The following CEP350 variants were observed in gnomAD, a reference collection of about 807,000 sequenced individuals.
CEP350 encodes the protein centrosome-associated protein 350.
Under a neutral mutation model 331.8 loss-of-function variants are expected in CEP350, and 126 were observed. The observed-to-expected ratio is 0.38, with a 90% confidence interval of 0.33 to 0.44. The LOEUF (loss-of-function observed/expected upper bound fraction) is 0.44, where lower values mean the gene tolerates loss of function less well. Ranked by LOEUF, CEP350 falls within the 20% of genes least tolerant of loss-of-function variation. The pLI is 1.00. For synonymous variants in CEP350, 1,200 were observed against 1,259.5 expected, an observed-to-expected ratio of 0.95 and a Z score of 1.00; for missense variants, 3,406 against 3,634.6, an observed-to-expected ratio of 0.94 and a Z score of 1.62.
Position 180,112,485 on chromosome 1 carries a change from T to A in CEP350, c.*1324T>A, listed in dbSNP as rs562155956. On this transcript the variant is annotated 3_prime_UTR_variant, in exon 38 of 38. Transcript: ENST00000367607. ...TGCATCTGAAAAAAAATCTATAGAC[T>A]CCAGCTGCTACATTAGAGCATAAGA... 1 of 152,642 alleles carries A rather than the reference T, an allele frequency of 6.6e-6. No individual in the cohort carries two copies. Among genetic ancestry groups the A allele is most frequent in the Non-Finnish European group, 1.5e-5 (1 of 68,054 alleles). The allele number at this position is 152,642 out of a possible 1,614,324, so 9.5% of individuals were successfully genotyped here.
intron 32 of CEP350, among the ~76,000 whole-genome samples, chr1:180,088,865 AT>A (rs1359388557): frequency 1.3e-5 from 2 of 152,188 alleles, no homozygotes; most frequent in African/African-American, 4.8e-5. Flanking sequence ...TATTATTATT[AT>A]TGTTACTATT....
At chr1:180,056,543 C>T (rs1657859684) in intron 25 of CEP350, among the ~76,000 whole-genome samples, 1 of 139,434 alleles carries the variant, frequency 7.2e-6, no homozygotes, top group African/African-American at 2.6e-5. Flanking sequence ...GATCTCAGCT[C>T]ACTGCAACCT....
intron 36 of CEP350, 90 bp from the exon 37 acceptor site, chr1:180,098,773 C>A (rs1309254400): frequency 2.0e-6 from 2 of 1,004,966 alleles, no homozygotes; most frequent in Non-Finnish European, 2.9e-6. Context: ...ATATTATATT[C>A]TTATCGTGAA....
intron 1 of CEP350, among the ~76,000 whole-genome samples, chr1:179,955,975 A>G (rs994825948): frequency 1.3e-5 from 2 of 152,194 alleles, no homozygotes; most frequent in Non-Finnish European, 1.5e-5. Context: ...GTATTTGAAG[A>G]GTTTTAAAAG....
intron 21 of CEP350, among the ~76,000 whole-genome samples, chr1:180,047,701 G>T: frequency 7.3e-6 from 1 of 136,320 alleles, no homozygotes; most frequent in East Asian, 2.2e-4. Context: ...AGTGGAGGTT[G>T]CAGTGAACCA....
At chr1:179,994,153 T>C (rs1270904713) in intron 5 of CEP350, among the ~76,000 whole-genome samples, 1 of 152,204 alleles carries the variant, frequency 6.6e-6, no homozygotes, top group Non-Finnish European at 1.5e-5. Context: ...AACATCCTTA[T>C]ATGTATTCAG....
Position 179,996,572 on chromosome 1 carries a change from T to C in CEP350, c.415T>C (p.Ser139Pro). ...TTGTAGGGAAATCCATGGTGCACCT[T>C]CCAATTTCAGTTCCAGCCATCTGGA... ...VSYREIHGAP[S>P]NFSSSHLESK... The change falls in exon 6 of 38, where the codon TCC (serine) becomes CCC (proline). Residue 139 changes from serine (S) to proline (P), a missense_variant. Ser to Pro is a moderately conservative substitution (Grantham distance 74). Around this residue, in one of 5 missense-constraint regions of CEP350, gnomAD observed 1,857 missense variants for 1,909.2 expected, o/e 0.97. Transcript: ENST00000367607. The C allele has an allele frequency of 6.4e-7, 1 of 1,567,084 alleles. No homozygotes were observed. Among genetic ancestry groups the C allele is most frequent in the Non-Finnish European group, 8.7e-7 (1 of 1,154,094 alleles).
intron 5 of CEP350, among the ~76,000 whole-genome samples, chr1:179,995,027 C>A (rs12140589): frequency 0.12 from 18,200 of 152,186 alleles, 1,167 homozygotes; most frequent in South Asian, 0.16. Context: ...GTAATTTCAA[C>A]ATTTTTAGTA....
intron 17 of CEP350, among the ~76,000 whole-genome samples, chr1:180,040,907 A>G (rs956309486): frequency 2.6e-5 from 4 of 152,142 alleles, no homozygotes; most frequent in African/African-American, 9.7e-5. Context: ...TTAGTCCTGT[A>G]TGCCCTGGAA....
At chr1:180,046,468 T>C (rs1657126984) in intron 21 of CEP350, among the ~76,000 whole-genome samples, 1 of 152,226 alleles carries the variant, frequency 6.6e-6, no homozygotes, top group Admixed American at 6.5e-5. Context: ...CCACATTTTA[T>C]TTATCCATTC....
At chr1:180,109,739 G>A (rs1441553383) in intron 37 of CEP350, among the ~76,000 whole-genome samples, 4 of 152,152 alleles carry the variant, frequency 2.6e-5, no homozygotes, top group Admixed American at 6.5e-5. Flanking sequence ...GGGTTCAAGC[G>A]ATTCTCCTGC....
intron 1 of CEP350, among the ~76,000 whole-genome samples, chr1:179,964,498 C>T (rs1439288296): frequency 6.6e-6 from 1 of 152,078 alleles, no homozygotes; most frequent in Non-Finnish European, 1.5e-5. Context: ...GCTGTGAATG[C>T]ATCTGATCCT....
chr1:180,083,894 A>G (rs1032791862), intron 30 of CEP350, 124 bp from the exon 31 acceptor site: 17 of 495,710 alleles, frequency 3.4e-5, no homozygotes, highest in Non-Finnish European at 5.3e-5. Context: ...CGAAGCTCAT[A>G]TTTTAATTAT....
Position 180,079,922 on chromosome 1 carries a change from G to C in CEP350, c.5980-595G>C, listed in dbSNP as rs529106255. Among the ~76,000 whole-genome samples the C allele has an allele frequency of 7.2e-5, 11 of 152,218 alleles. No individual in the cohort carries two copies. In the South Asian group the frequency reaches 2.1e-3, roughly 29 times the overall value. Reference sequence around the variant, plus strand: ...TGTTTATTTACGAAGTACTTACCAAGTGCCTTACGTGGATTATCTCATTTA... The same window carrying C: ...TGTTTATTTACGAAGTACTTACCAACTGCCTTACGTGGATTATCTCATTTA... On this transcript the variant is annotated intron_variant, in intron 29 of 37. Transcript: ENST00000367607.
intron 7 of CEP350, among the ~76,000 whole-genome samples, chr1:180,003,698 A>T (rs1415128410): frequency 6.6e-6 from 1 of 152,176 alleles, no homozygotes; most frequent in East Asian, 1.9e-4. Flanking sequence ...TAGGAAGGGA[A>T]TAAGTTAGGA....
intron 14 of CEP350, among the ~76,000 whole-genome samples, chr1:180,025,687 G>A (rs1655624657): frequency 6.6e-6 from 1 of 152,182 alleles, no homozygotes; most frequent in East Asian, 1.9e-4. Flanking sequence ...TCATAAGTGG[G>A]AGTTGAACAA....
rs367699002 is a variant in CEP350, at chr1:180,014,448, A to C, written c.1995A>C (p.Leu665=). 1 of 1,609,792 alleles carries C rather than the reference A, an allele frequency of 6.2e-7. No homozygotes were observed. Among genetic ancestry groups the C allele is most frequent in the Non-Finnish European group, 8.5e-7 (1 of 1,178,346 alleles). The change falls in exon 10 of 38, where the codon CTA becomes CTC. Residue 665 remains leucine (L), a synonymous_variant. Coordinates refer to ENST00000367607, the MANE Select transcript of CEP350 (RefSeq NM_014810.5). The part of the protein sequence containing the change: ...RRLQETYSKL[L]LEKTLLEEPS... ...TACAGGAAACTTACTCCAAATTGCT[A>C]CTAGAAAAGACCTTGCTTGAAGAGC... is the stretch of plus-strand genomic sequence containing the variant.
Position 180,036,573 on chromosome 1 carries a change from G to A in CEP350, c.3947-353G>A, listed in dbSNP as rs116006595. Reference sequence around the variant, plus strand: ...AGCAAAAAGATTAGGACTTGCTGAAGGCTAAGATGATCATTAGCATTTTTT... The same window carrying A: ...AGCAAAAAGATTAGGACTTGCTGAAAGCTAAGATGATCATTAGCATTTTTT... On this transcript the variant is annotated intron_variant, in intron 16 of 37. Transcript: ENST00000367607. 6.4e-3 allele frequency among the ~76,000 whole-genome samples: 980 copies of A among 152,240 alleles called. 4 individuals carry two copies. The highest frequency in any genetic ancestry group is 7.9e-3 in the South Asian group (38 of 4,816).
rs557977562 is a variant in CEP350, at chr1:180,009,358, A to G, written c.1247-2571A>G. 2.6e-5 allele frequency among the ~76,000 whole-genome samples: 4 copies of G among 152,314 alleles called. No individual in the cohort carries two copies. The East Asian group carries it at 7.7e-4, about 29-fold the overall frequency. ...TGTGTTTCATGTGGCGTTATGTAAT[A>G]CTGTTGTCAGAAGCATAGTTTGAAA... On this transcript the variant is annotated intron_variant, in intron 8 of 37. Transcript: ENST00000367607.
Sources: allele counts gnomAD v4.1 joint callset (sites outside exome capture counted in the v4.1 genomes callset), GRCh38; gene constraint gnomAD v4.1.1; regional missense constraint gnomAD v4.1.1; transcripts MANE v1.5; gene names NCBI Gene and HGNC (gene_info 2026-07-23, HGNC 2026-07-21).